The following PTPRD variants were observed in gnomAD, a reference collection of about 807,000 sequenced individuals.
PTPRD encodes the protein receptor-type tyrosine-protein phosphatase delta.
A neutral mutation model predicts 214.5 loss-of-function variants in PTPRD; 34 were observed. The ratio of observed to expected loss-of-function variants is 0.16; its 90% CI spans 0.12 to 0.21. The LOEUF (loss-of-function observed/expected upper bound fraction) is 0.21. Among genes scored for constraint, PTPRD ranks in the 10% least tolerant of loss-of-function variants. PTPRD has a pLI of 1.00. For missense variants in PTPRD, 2,545 were observed against 2,398.7 expected, an observed-to-expected ratio of 1.06 and a Z score of -1.27; for synonymous variants, 1,128 against 845.7, an observed-to-expected ratio of 1.33 and a Z score of -5.79.
intron 2 of PTPRD, among the ~76,000 whole-genome samples, chr9:10,405,169 G>A (rs10756033): frequency 0.78 from 116,609 of 150,296 alleles, 46,069 homozygotes; most frequent in East Asian, 0.88. Flanking sequence ...TCCAAAAAAG[G>A]AACTGGGGTC....
At chr9:9,186,134 C>G (rs1175554972) in intron 9 of PTPRD, among the ~76,000 whole-genome samples, 2 of 152,038 alleles carry the variant, frequency 1.3e-5, no homozygotes, top group African/African-American at 4.8e-5. Context: ...ATGATAAATT[C>G]TCATGAACAG....
intron 7 of PTPRD, among the ~76,000 whole-genome samples, chr9:9,636,342 C>G (rs567426469): frequency 7.9e-5 from 12 of 152,240 alleles, no homozygotes; most frequent in African/African-American, 2.2e-4. Flanking sequence ...TGAGTAATGA[C>G]TGTAGTAGAC....
intron 44 of PTPRD, among the ~76,000 whole-genome samples, chr9:8,329,440 G>T (rs1018799792): frequency 6.6e-6 from 1 of 152,114 alleles, no homozygotes; most frequent in African/African-American, 2.4e-5. Context: ...TCCTGTATGA[G>T]GTATCTGTCA....
chr9:10,426,690 G>A (rs1466003892), intron 2 of PTPRD, among the ~76,000 whole-genome samples: 1 of 152,048 alleles, frequency 6.6e-6, no homozygotes, highest in Admixed American at 6.6e-5. Flanking sequence ...CTTCTCGGAT[G>A]CTAACAATGC....
At chr9:10,393,396 A>G (rs1218230222) in intron 2 of PTPRD, among the ~76,000 whole-genome samples, 1 of 151,714 alleles carries the variant, frequency 6.6e-6, no homozygotes, top group East Asian at 1.9e-4. Context: ...TGAGATTAAT[A>G]CATTAGACCC....
intron 26 of PTPRD, among the ~76,000 whole-genome samples, chr9:8,496,362 T>C (rs2097271203): frequency 6.6e-6 from 1 of 152,220 alleles, no homozygotes; most frequent in East Asian, 1.9e-4. Context: ...TACTAATGCA[T>C]GGTCCACTGC....
chr9:8,630,123 T>C (rs1381653907), intron 14 of PTPRD, among the ~76,000 whole-genome samples: 1 of 151,808 alleles, frequency 6.6e-6, no homozygotes, highest in East Asian at 1.9e-4. Context: ...AAGCCCATCA[T>C]GAGAGCTGGC....
At chr9:9,515,234 G>A (rs541902430) in intron 8 of PTPRD, among the ~76,000 whole-genome samples, 24 of 152,024 alleles carry the variant, frequency 1.6e-4, no homozygotes, top group African/African-American at 5.3e-4. Flanking sequence ...GTCTGCCTCC[G>A]CACATACCAT....
rs746835552 is a variant in PTPRD, at chr9:8,331,555, C to G, written c.5534+27G>C. On this transcript the variant is annotated intron_variant, in intron 44 of 45. Transcript: ENST00000381196. ...AATGAAGAAACACCACCACTTATCA[C>G]TGCTTTATTCACAAATGGAAACTTA... is the stretch of plus-strand genomic sequence containing the variant. 3.2e-6 allele frequency: 3 copies of G among 940,760 alleles called. No individual in the cohort carries two copies. The South Asian group carries it at 5.8e-5, about 18-fold the overall frequency. 58.3% of individuals were successfully genotyped at this position (940,760 alleles called of 1,614,324 possible).
At chr9:9,668,221 T>C (rs967920810) in intron 7 of PTPRD, among the ~76,000 whole-genome samples, 3 of 152,144 alleles carry the variant, frequency 2.0e-5, no homozygotes, top group Non-Finnish European at 2.9e-5. Flanking sequence ...AACGAAATCA[T>C]TCTACTGTCA....
intron 12 of PTPRD, among the ~76,000 whole-genome samples, chr9:8,730,349 C>T (rs1298493275): frequency 6.6e-6 from 1 of 152,080 alleles, no homozygotes; most frequent in African/African-American, 2.4e-5. Flanking sequence ...GAAGTATTCA[C>T]AATCTGAAGT....
chr9:8,534,446 G>C (rs541467718), intron 14 of PTPRD, among the ~76,000 whole-genome samples: 1 of 152,004 alleles, frequency 6.6e-6, no homozygotes, highest in East Asian at 1.9e-4. Context: ...CAGGAATACA[G>C]ATTTCTAAGT....
At chr9:9,130,955 A>C (rs1213294752) in intron 10 of PTPRD, among the ~76,000 whole-genome samples, 1 of 152,182 alleles carries the variant, frequency 6.6e-6, no homozygotes, top group Non-Finnish European at 1.5e-5. Context: ...AACTAATTCT[A>C]TCTTCATTTC....
At chr9:9,521,608 G>C (rs1003623983) in intron 8 of PTPRD, among the ~76,000 whole-genome samples, 1 of 152,086 alleles carries the variant, frequency 6.6e-6, no homozygotes, top group Non-Finnish European at 1.5e-5. Context: ...TCCTGAACAG[G>C]GGAGGCGCTC....
At chr9:10,170,642 G>C (rs1389464600) in intron 3 of PTPRD, among the ~76,000 whole-genome samples, 1 of 152,098 alleles carries the variant, frequency 6.6e-6, no homozygotes, top group Non-Finnish European at 1.5e-5. Context: ...AGTCGAGATC[G>C]CACCACTGCA....
chr9:8,376,179 G>T (rs1026204751), intron 38 of PTPRD, 89 bp from the exon 39 acceptor site: 1 of 1,461,462 alleles, frequency 6.8e-7, no homozygotes, highest in Non-Finnish European at 9.3e-7. Context: ...GCTAAAATGT[G>T]CTATTTTAAT....
intron 3 of PTPRD, among the ~76,000 whole-genome samples, chr9:10,206,088 G>A (rs1449240834): frequency 3.4e-5 from 5 of 148,920 alleles, no homozygotes; most frequent in Admixed American, 6.6e-5. Context: ...ATCACAGAGC[G>A]CGTGAAGCTT....
intron 5 of PTPRD, among the ~76,000 whole-genome samples, chr9:9,831,747 G>T (rs1010042327): frequency 6.6e-6 from 1 of 151,924 alleles, no homozygotes; most frequent in Non-Finnish European, 1.5e-5. Flanking sequence ...CATCAATAAG[G>T]AATTTTGAAA....
chr9:8,497,437 T>C lies in PTPRD; in HGVS notation c.2323-169A>G, dbSNP rs532245678. Among the ~76,000 whole-genome samples, 14 of 152,314 alleles carry C rather than the reference T, an allele frequency of 9.2e-5. No homozygotes were observed. In the East Asian group the frequency reaches 2.5e-3, roughly 27 times the overall value. On this transcript the variant is annotated intron_variant, in intron 25 of 45. Transcript: ENST00000381196. ...GATTTGCTGCCACCTCCACCTCTGATTGGGAAGTCAAATTAAATATCCTTT... is the reference window on the plus strand; with the variant it reads ...GATTTGCTGCCACCTCCACCTCTGACTGGGAAGTCAAATTAAATATCCTTT...
Sources: allele counts gnomAD v4.1 joint callset (sites outside exome capture counted in the v4.1 genomes callset), GRCh38; gene constraint gnomAD v4.1.1; transcripts MANE v1.5; gene names NCBI Gene and HGNC (gene_info 2026-07-23, HGNC 2026-07-21).